Variants in HARS1 observed in about 807,000 individuals in gnomAD.
The protein encoded by HARS1 is histidine--tRNA ligase, cytoplasmic.
A neutral mutation model predicts 63.6 loss-of-function variants in HARS1; 45 were observed. That is an observed-to-expected ratio of 0.71 (90% CI 0.56 to 0.91). The LOEUF (loss-of-function observed/expected upper bound fraction) is 0.91. Among genes scored for constraint, HARS1 ranks in the 40% least tolerant of loss-of-function variants. HARS1 has a pLI of 0.00. For missense variants in HARS1, 508 were observed against 643.2 expected (o/e 0.79, Z 2.27); for synonymous variants, 205 against 247.1 (o/e 0.83, Z 1.60).
At chr5:140,677,518 C>T (rs1007733304) in intron 7 of HARS1, 98 bp from the exon 8 acceptor site, 1 of 1,098,216 alleles carries the variant, frequency 9.1e-7, no homozygotes, top group African/African-American at 1.5e-5. Context: ...GCAGTAGCTG[C>T]CCATGAGCCT....
intron 6 of HARS1, 24 bp from the exon 7 acceptor site, chr5:140,677,777 A>AG (rs767345142): frequency 6.6e-7 from 1 of 1,512,716 alleles, no homozygotes; most frequent in Non-Finnish European, 9.2e-7. Context: ...ATGCATAGTG[A>AG]GGGGGGAATC....
At chr5:140,680,615 G>T (rs1438763364) in intron 3 of HARS1, among the ~76,000 whole-genome samples, 1 of 152,034 alleles carries the variant, frequency 6.6e-6, no homozygotes, top group East Asian at 1.9e-4. Context: ...AGGCCAAGGC[G>T]GATGGATCAC....
chr5:140,674,607 C>CT (rs1206620305), intron 12 of HARS1, 72 bp downstream of exon 12: 2 of 1,543,970 alleles, frequency 1.3e-6, no homozygotes, highest in Non-Finnish European at 1.8e-6. Context: ...TTTCTCAGGT[C>CT]TTGAATGGGC....
intron 2 of HARS1, chr5:140,684,183 G>A (rs2149834045): frequency 5.5e-6 from 1 of 182,966 alleles, no homozygotes; most frequent in African/African-American, 2.4e-5. Context: ...CCAGCTACTT[G>A]GGAGGCTGAG....
chr5:140,678,125 C>T, intron 5 of HARS1, 110 bp from the exon 6 acceptor site: 1 of 670,538 alleles, frequency 1.5e-6, no homozygotes, highest in Non-Finnish European at 2.7e-6. Flanking sequence ...CATAGAATTT[C>T]TCTTTCATTT....
At chr5:140,686,448 A>T (rs558200910) in intron 2 of HARS1, among the ~76,000 whole-genome samples, 10 of 152,282 alleles carry the variant, frequency 6.6e-5, no homozygotes, top group South Asian at 2.1e-4. Context: ...CATGTTGGCT[A>T]GGCTGGTCTC....
intron 2 of HARS1, 24 bp from the exon 3 acceptor site, chr5:140,683,243 A>G: frequency 6.2e-7 from 1 of 1,610,516 alleles, no homozygotes; most frequent in African/African-American, 1.3e-5. Context: ...TCAGCCAGAG[A>G]ACCAGAAATG....
chr5:140,681,791 G>C (rs1187575516), intron 3 of HARS1, among the ~76,000 whole-genome samples: 1 of 152,154 alleles, frequency 6.6e-6, no homozygotes, highest in East Asian at 1.9e-4. Context: ...TCAACTTCCA[G>C]CCTCTGGAAC....
At chr5:140,674,404 C>G in intron 12 of HARS1, 76 bp from the exon 13 acceptor site, 1 of 1,044,204 alleles carries the variant, frequency 9.6e-7, no homozygotes, top group South Asian at 1.3e-5. Flanking sequence ...TTTCCTCTAG[C>G]CCTCTAGGCA....
intron 2 of HARS1, 47 bp from the exon 3 acceptor site, chr5:140,683,266 C>T (rs1429490487): frequency 2.5e-6 from 4 of 1,593,838 alleles, no homozygotes; most frequent in Non-Finnish European, 3.4e-6. Flanking sequence ...GTTTGAAAAC[C>T]AAGAACAATA....
intron 2 of HARS1, among the ~76,000 whole-genome samples, chr5:140,690,159 C>A (rs1029600219): frequency 6.6e-6 from 1 of 152,248 alleles, no homozygotes; most frequent in African/African-American, 2.4e-5. Flanking sequence ...AATTACATAA[C>A]CACATGTGGT....
At chr5:140,677,216 T>TCTATGCATATGTACAC in intron 8 of HARS1, 100 bp from the exon 9 acceptor site, 1 of 1,369,900 alleles carries the variant, frequency 7.3e-7, no homozygotes, top group Non-Finnish European at 1.0e-6. Context: ...CATGTGTGTG[T>TCTATGCATATGTACAC]ACATATGCAT....
chr5:140,681,179 C>T (rs1175057055), intron 3 of HARS1, among the ~76,000 whole-genome samples: 1 of 152,082 alleles, frequency 6.6e-6, no homozygotes. Context: ...TGAACTGTGT[C>T]CCCCTGGCCC....
Position 140,679,223 on chromosome 5 carries a change from T to A in HARS1, c.397-96A>T. 8.9e-7 allele frequency: 1 copy of A among 1,120,594 alleles called. No homozygotes were observed. The highest frequency in any genetic ancestry group is 1.3e-6 in the Non-Finnish European group (1 of 760,354). The allele number at this position is 1,120,594 out of a possible 1,614,324, so 69.4% of individuals were successfully genotyped here. A position where few individuals can be genotyped will look rare whatever the true frequency, so the allele number is the denominator to read the frequency against. The stretch of plus-strand genomic sequence containing the variant: ...AGCTGGGGTCTAACCCCTCCCTATG[T>A]GGGTAAAACTGCCACCCATAAGATT... On this transcript the variant is annotated intron_variant, in intron 4 of 12. Transcript: ENST00000504156. This position sits in a 1 kb window ranked among gnomAD's most constrained non-coding sequence, Gnocchi z 4.3.
Position 140,690,857 on chromosome 5 carries a change from TG to T in HARS1, c.177del (p.Lys60ArgfsTer20). 2 of 1,563,916 alleles carry T rather than the reference TG, an allele frequency of 1.3e-6. No homozygotes were observed. The highest frequency in any genetic ancestry group is 1.8e-6 in the Non-Finnish European group (2 of 1,134,084). ...GCTCCCTACAGGAATGATATTACCTTGGGGGTTTTGAGCACAAATTTCTGTT... is the reference window on the plus strand; with the variant it reads ...GCTCCCTACAGGAATGATATTACCTTGGGGTTTTGAGCACAAATTTCTGTT... Reference protein sequence around the residue: ...ESKQKFVLKTPKGTRDYSPRQ... With the variant: ...ESKQKFVLKTXKGTRDYSPRQ... On this transcript the variant is annotated frameshift_variant, in exon 2 of 13. Transcript: ENST00000504156. LOFTEE classifies it high-confidence loss of function.
chr5:140,685,573 T>C (rs1199762777), intron 2 of HARS1, among the ~76,000 whole-genome samples: 1 of 147,502 alleles, frequency 6.8e-6, no homozygotes, highest in Non-Finnish European at 1.5e-5. Flanking sequence ...ATACAAAAAT[T>C]AGCTGGGCGT....
At chr5:140,691,101 C>A in intron 1 of HARS1, 114 bp downstream of exon 1, 1 of 952,708 alleles carries the variant, frequency 1.0e-6, no homozygotes, top group Non-Finnish European at 1.6e-6. Flanking sequence ...AGCCCACTCT[C>A]CTCCCTACAA....
Position 140,676,741 on chromosome 5 carries a change from C to T in HARS1, c.1107G>A (p.Met369Ile). 1.2e-6 allele frequency: 2 copies of T among 1,614,232 alleles called. No individual in the cohort carries two copies. Among genetic ancestry groups the T allele is most frequent in the Non-Finnish European group, 1.7e-6 (2 of 1,180,040 alleles). ...AGGRYDGLVGMFDPKGRKVPC... is the reference protein window; with the variant it reads ...AGGRYDGLVGIFDPKGRKVPC... ...GCACCTTGCGCCCTTTGGGGTCGAA[C>T]ATGCCCACTAGCCCATCATAGCGTC... is the stretch of plus-strand genomic sequence containing the variant. Residue 369 changes from methionine to isoleucine, a missense_variant, in exon 10 of 13, where the codon ATG (methionine) becomes ATA (isoleucine). Physicochemically the swap from Met to Ile is conservative, Grantham distance 10 (BLOSUM62 1). Around this residue, in one of 2 missense-constraint regions of HARS1, gnomAD observed 403 missense variants for 548.7 expected, o/e 0.73. Transcript: ENST00000504156. This position sits in a 1 kb window ranked among gnomAD's most constrained non-coding sequence, Gnocchi z 4.1.
chr5:140,689,518 C>T (rs913576954), intron 2 of HARS1, among the ~76,000 whole-genome samples: 1 of 152,204 alleles, frequency 6.6e-6, no homozygotes, highest in African/African-American at 2.4e-5. Context: ...AGGCTGGTCT[C>T]AAGCTCCTGG....
Sources: allele counts gnomAD v4.1 joint callset (sites outside exome capture counted in the v4.1 genomes callset), GRCh38; gene constraint gnomAD v4.1.1; regional missense constraint gnomAD v4.1.1; non-coding constraint Gnocchi (gnomAD v3.1); transcripts MANE v1.5; gene names NCBI Gene and HGNC (gene_info 2026-07-23, HGNC 2026-07-21).